The following GMPS variants were observed in gnomAD, a reference collection of about 807,000 sequenced individuals.
GMPS encodes guanosine monophosphate synthase, also known as GMP synthase [glutamine-hydrolyzing].
Under a neutral mutation model 77.9 loss-of-function variants are expected in GMPS, and 15 were observed. That is an observed-to-expected ratio of 0.19 (90% CI 0.13 to 0.30). The LOEUF is 0.30. GMPS is among the 10% of genes least tolerant of loss of function. The pLI is 1.00. For missense variants in GMPS, 590 were observed against 838.8 expected (o/e 0.70, Z 3.66); for synonymous variants, 224 against 275.9 (o/e 0.81, Z 1.86).
chr3:155,898,698 C>T (rs1754658458), intron 3 of GMPS, among the ~76,000 whole-genome samples: 1 of 152,148 alleles, frequency 6.6e-6, no homozygotes, highest in Non-Finnish European at 1.5e-5. Context: ...TTTTGTAGAA[C>T]ATTTCCCAAC....
chr3:155,886,432 G>C (rs984834429), intron 1 of GMPS, among the ~76,000 whole-genome samples: 1 of 151,148 alleles, frequency 6.6e-6, no homozygotes, highest in East Asian at 2.0e-4. Context: ...AAAATTAGCC[G>C]GGCGTGGTGG....
intron 1 of GMPS, among the ~76,000 whole-genome samples, chr3:155,887,570 A>G (rs1754366011): frequency 6.6e-6 from 1 of 152,340 alleles, no homozygotes; most frequent in Admixed American, 6.5e-5. Flanking sequence ...ATGTATGACA[A>G]TGTGTGTACT....
At chr3:155,876,683 T>C (rs1223787462) in intron 1 of GMPS, among the ~76,000 whole-genome samples, 3 of 152,220 alleles carry the variant, frequency 2.0e-5, no homozygotes, top group Admixed American at 6.5e-5. Flanking sequence ...AGAGCACATA[T>C]TGTTCTGAGT....
intron 3 of GMPS, among the ~76,000 whole-genome samples, chr3:155,899,432 C>CTT (rs59464061): frequency 5.7e-4 from 82 of 143,608 alleles, no homozygotes; most frequent in East Asian, 3.4e-3. Flanking sequence ...CTCTTCTTTT[C>CTT]TTTTTTTTTT....
intron 11 of GMPS, among the ~76,000 whole-genome samples, chr3:155,924,395 T>C (rs1050403499): frequency 1.3e-5 from 2 of 152,260 alleles, no homozygotes; most frequent in African/African-American, 2.4e-5. Flanking sequence ...TGTGTAACAA[T>C]GTTTAGCTGA....
chr3:155,890,531 A>G (rs2108069031), intron 1 of GMPS, among the ~76,000 whole-genome samples: 1 of 152,362 alleles, frequency 6.6e-6, no homozygotes, highest in Middle Eastern at 3.4e-3. Context: ...AGGAACATTG[A>G]GAATTAAAGT....
chr3:155,882,987 C>T (rs80152781), intron 1 of GMPS, among the ~76,000 whole-genome samples: 8,296 of 152,194 alleles, frequency 0.055, 318 homozygotes, highest in East Asian at 0.18. Context: ...TTATGAAGTA[C>T]AGAAACATCT....
Position 155,906,141 on chromosome 3 carries a change from T to G in GMPS, c.423-19T>G. 1 of 1,426,308 alleles carries G rather than the reference T, an allele frequency of 7.0e-7. No individual in the cohort carries two copies. Among genetic ancestry groups the G allele is most frequent in the Non-Finnish European group, 9.7e-7 (1 of 1,032,980 alleles). The allele number at this position is 1,426,308 out of a possible 1,614,324, so 88.4% of individuals were successfully genotyped here. ...TTTTTAATTAAGATATTTGTGTGTT[T>G]TATTTTTTGTATGTTTAGGGGCCTT... On this transcript the variant is annotated intron_variant, in intron 4 of 15. Transcript: ENST00000496455.
chr3:155,925,534 G>A (rs1382565889), intron 12 of GMPS, among the ~76,000 whole-genome samples, 168 bp downstream of exon 12: 8 of 151,980 alleles, frequency 5.3e-5, no homozygotes. Flanking sequence ...TTGAAATAAG[G>A]ATTACTTAGG....
chr3:155,880,007 T>G (rs1754174315), intron 1 of GMPS, among the ~76,000 whole-genome samples: 1 of 152,064 alleles, frequency 6.6e-6, no homozygotes, highest in Non-Finnish European at 1.5e-5. Context: ...GCGATTATTT[T>G]CTGCCATTCT....
At chr3:155,924,588 G>T (rs907705149) in intron 11 of GMPS, among the ~76,000 whole-genome samples, 2 of 152,104 alleles carry the variant, frequency 1.3e-5, no homozygotes, top group Non-Finnish European at 2.9e-5. Flanking sequence ...AAATAAATGA[G>T]CTGGGAGAAA....
rs1242126158 is a variant in GMPS at position 155,870,875 on chromosome 3, C to T, written c.5C>T (p.Ala2Val). 1 of 1,509,014 alleles carries T rather than the reference C, an allele frequency of 6.6e-7. No homozygotes were observed. The highest frequency in any genetic ancestry group is 2.1e-5 in the Admixed American group (1 of 47,478). The allele number at this position is 1,509,014 out of a possible 1,614,324, so 93.5% of individuals were successfully genotyped here. A position where few individuals can be genotyped will look rare whatever the true frequency, so the allele number is the denominator to read the frequency against. The change falls in exon 1 of 16, where the codon GCT becomes GTT. Residue 2 changes from alanine (A) to valine (V), a missense_variant. Ala to Val is a moderately conservative substitution (Grantham distance 64). Around this residue, in one of 6 missense-constraint regions of GMPS, gnomAD observed 47 missense variants for 45.5 expected, o/e 1.03. Transcript: ENST00000496455. ...GCGGCTCCGGCCCTGGCCCCGATGG[C>T]TCTGTGCAACGGAGACTCCAAGGTC... M[A>V]LCNGDSKLEN...
At chr3:155,883,299 T>C (rs1754253296) in intron 1 of GMPS, among the ~76,000 whole-genome samples, 1 of 152,086 alleles carries the variant, frequency 6.6e-6, no homozygotes, top group African/African-American at 2.4e-5. Flanking sequence ...GGTCTCAAAC[T>C]CCTGAGCTCA....
intron 7 of GMPS, among the ~76,000 whole-genome samples, chr3:155,914,109 G>C (rs1371009938): frequency 6.6e-6 from 1 of 151,840 alleles, no homozygotes; most frequent in African/African-American, 2.4e-5. Context: ...ACCACACCCA[G>C]CTAATTTTTT....
At chr3:155,887,729 C>A (rs954768210) in intron 1 of GMPS, among the ~76,000 whole-genome samples, 2 of 151,956 alleles carry the variant, frequency 1.3e-5, no homozygotes, top group African/African-American at 4.8e-5. Context: ...GAGATTGTCC[C>A]TGTTTGTAGG....
chr3:155,920,339 C>T (rs1755287175), intron 10 of GMPS, among the ~76,000 whole-genome samples: 1 of 152,004 alleles, frequency 6.6e-6, no homozygotes, highest in Non-Finnish European at 1.5e-5. Context: ...GATCTTTAGT[C>T]CCTAACCTGC....
intron 1 of GMPS, among the ~76,000 whole-genome samples, chr3:155,876,333 TTA>T (rs1274101427): frequency 2.6e-5 from 4 of 152,200 alleles, no homozygotes; most frequent in Non-Finnish European, 5.9e-5. Flanking sequence ...TTAGCTATCC[TTA>T]ATTGCCTGTG....
At chr3:155,897,381 A>G (rs73011132) in intron 2 of GMPS, among the ~76,000 whole-genome samples, 51 of 152,312 alleles carry the variant, frequency 3.3e-4, no homozygotes, top group African/African-American at 1.2e-3. Context: ...AAGTGTTACT[A>G]GCTCCCTTTC....
chr3:155,922,869 C>T (rs1167053077), intron 11 of GMPS, among the ~76,000 whole-genome samples: 1 of 152,022 alleles, frequency 6.6e-6, no homozygotes, highest in African/African-American at 2.4e-5. Flanking sequence ...AAAATTGCAA[C>T]GAAATAATTT....
Sources: allele counts gnomAD v4.1 joint callset (sites outside exome capture counted in the v4.1 genomes callset), GRCh38; gene constraint gnomAD v4.1.1; regional missense constraint gnomAD v4.1.1; transcripts MANE v1.5; gene names NCBI Gene and HGNC (gene_info 2026-07-23, HGNC 2026-07-21).